The following FGF12 variants were observed in gnomAD, a reference collection of about 807,000 sequenced individuals.
The protein encoded by FGF12 is fibroblast growth factor 12B.
FGF12 carries 14 observed loss-of-function variants against 23.6 expected under a neutral mutation model. That is an observed-to-expected ratio of 0.59 (90% confidence interval 0.39 to 0.93). The LOEUF (loss-of-function observed/expected upper bound fraction) is 0.93. FGF12 is among the 40% of genes least tolerant of loss of function. The pLI, the probability that FGF12 is intolerant of heterozygous loss-of-function variation, is 0.00. For missense variants in FGF12, 175 were observed against 217.8 expected (o/e 0.80, Z 1.24); for synonymous variants, 62 against 77.3 (o/e 0.80, Z 1.04).
intron 2 of FGF12, among the ~76,000 whole-genome samples, chr3:192,545,711 A>G (rs1725478595): frequency 6.6e-6 from 1 of 152,242 alleles, no homozygotes; most frequent in Non-Finnish European, 1.5e-5. Context: ...AGCGTGGTAG[A>G]TGCTGGTACT....
intron 2 of FGF12, among the ~76,000 whole-genome samples, chr3:192,654,093 T>A (rs750728967): frequency 5.3e-5 from 8 of 152,192 alleles, no homozygotes; most frequent in Non-Finnish European, 1.0e-4. Context: ...GCCTAACAAG[T>A]ATGTGAAGGA....
chr3:192,318,312 G>A (rs1716337821), intron 4 of FGF12, among the ~76,000 whole-genome samples: 1 of 152,030 alleles, frequency 6.6e-6, no homozygotes, highest in Non-Finnish European at 1.5e-5. Flanking sequence ...ATTGTTTTGA[G>A]GAAGGTCAAC....
chr3:192,180,754 T>C (rs894295413), intron 4 of FGF12, among the ~76,000 whole-genome samples: 21 of 152,204 alleles, frequency 1.4e-4, no homozygotes, highest in African/African-American at 4.8e-4. Context: ...AACTTTCCGA[T>C]GTAAGCAATT....
At chr3:192,211,808 A>T (rs1379408090) in intron 4 of FGF12, among the ~76,000 whole-genome samples, 1 of 152,206 alleles carries the variant, frequency 6.6e-6, no homozygotes, top group Non-Finnish European at 1.5e-5. Context: ...GATCTGCTGC[A>T]TGGTCATTTT....
At chr3:192,492,415 T>C (rs1490745232) in intron 2 of FGF12, among the ~76,000 whole-genome samples, 1 of 152,126 alleles carries the variant, frequency 6.6e-6, no homozygotes, top group African/African-American at 2.4e-5. Flanking sequence ...GATGTTTTTT[T>C]CTCTTAAATT....
Position 192,144,115 on chromosome 3 carries a change from C to T in FGF12, c.440G>A (p.Arg147Lys), listed in dbSNP as rs774204331. ...TCCAATTTCATGTAGCGATGGTTCT[C>T]TGTACATACACACTGAAAGGCAAAA... ...VPKPIEVCMY[R>K]EPSLHEIGEK... Residue 147 changes from arginine to lysine, a missense_variant, in exon 6 of 6, where the codon AGA becomes AAA. Coordinates refer to ENST00000445105, the MANE Select transcript of FGF12 (RefSeq NM_004113.6). The T allele has an allele frequency of 6.2e-7, 1 of 1,610,184 alleles. No homozygotes were observed. Among genetic ancestry groups the T allele is most frequent in the South Asian group, 1.1e-5 (1 of 90,992 alleles).
At chr3:192,712,745 G>T (rs1049303906) in intron 2 of FGF12, among the ~76,000 whole-genome samples, 2 of 150,900 alleles carry the variant, frequency 1.3e-5, no homozygotes, top group Admixed American at 6.6e-5. Context: ...TTTTTTTTAG[G>T]AAGCTGTTGG....
chr3:192,255,776 T>G (rs867104426), intron 4 of FGF12, among the ~76,000 whole-genome samples: 2 of 152,096 alleles, frequency 1.3e-5, no homozygotes, highest in South Asian at 2.1e-4. Context: ...TTACATTTAC[T>G]AAACGTAGCC....
intron 4 of FGF12, among the ~76,000 whole-genome samples, chr3:192,231,917 T>A (rs974433022): frequency 6.6e-6 from 1 of 152,166 alleles, no homozygotes; most frequent in Non-Finnish European, 1.5e-5. Flanking sequence ...GAGATCAAAG[T>A]CAGTGCTGCC....
At chr3:192,491,538 T>C (rs1009671278) in intron 2 of FGF12, among the ~76,000 whole-genome samples, 1 of 152,144 alleles carries the variant, frequency 6.6e-6, no homozygotes, top group Non-Finnish European at 1.5e-5. Flanking sequence ...TGACACCACC[T>C]TTAGCTGTGG....
At chr3:192,198,183 T>A (rs1348461697) in intron 4 of FGF12, among the ~76,000 whole-genome samples, 1 of 152,000 alleles carries the variant, frequency 6.6e-6, no homozygotes, top group African/African-American at 2.4e-5. Flanking sequence ...TAAAAAGATA[T>A]GAAAAGCAAA....
chr3:192,672,403 A>G (rs1229305672), intron 2 of FGF12, among the ~76,000 whole-genome samples: 1 of 151,066 alleles, frequency 6.6e-6, no homozygotes, highest in Non-Finnish European at 1.5e-5. Context: ...CAAGTAGATG[A>G]ACACACATTA....
intron 2 of FGF12, among the ~76,000 whole-genome samples, chr3:192,571,029 C>G (rs1048445613): frequency 9.9e-5 from 15 of 152,116 alleles, no homozygotes; most frequent in Non-Finnish European, 1.8e-4. Context: ...TTCTTCAGAG[C>G]TTCTCCACAC....
intron 2 of FGF12, among the ~76,000 whole-genome samples, chr3:192,600,195 G>A (rs1235853279): frequency 1.3e-5 from 2 of 151,948 alleles, no homozygotes; most frequent in East Asian, 1.9e-4. Flanking sequence ...ATTAAATGTT[G>A]GCTGTAGATA....
At chr3:192,589,214 A>G (rs536952049) in intron 2 of FGF12, among the ~76,000 whole-genome samples, 2 of 151,610 alleles carry the variant, frequency 1.3e-5, no homozygotes, top group African/African-American at 2.4e-5. Context: ...GCGCACCTGC[A>G]GTCCCAGCTA....
intron 2 of FGF12, among the ~76,000 whole-genome samples, chr3:192,435,789 C>T (rs1722005632): frequency 6.6e-6 from 1 of 152,186 alleles, no homozygotes; most frequent in Non-Finnish European, 1.5e-5. Context: ...TCTGAGGATA[C>T]AATCTGCTTC....
At chr3:192,721,437 A>T (rs973347334) in intron 2 of FGF12, among the ~76,000 whole-genome samples, 1 of 152,188 alleles carries the variant, frequency 6.6e-6, no homozygotes. Flanking sequence ...TAAAATGCCA[A>T]ATCACAGGGT....
chr3:192,575,070 C>A lies in FGF12; in HGVS notation c.13+152111G>T, dbSNP rs1413267320. On this transcript the variant is annotated intron_variant, in intron 2 of 5. Coordinates refer to ENST00000445105, the MANE Select transcript of FGF12 (RefSeq NM_004113.6). ...CAACTAAGCAATAACAAGAGGTGAA[C>A]TATTATTATATATAACATGCTTTAA... Among the ~76,000 whole-genome samples, 8 of 152,100 alleles carry A rather than the reference C, an allele frequency of 5.3e-5. No homozygotes were observed. In the South Asian group the frequency reaches 6.2e-4, roughly 12 times the overall value.
intron 2 of FGF12, among the ~76,000 whole-genome samples, chr3:192,537,586 T>C (rs1159110257): frequency 6.6e-6 from 1 of 152,238 alleles, no homozygotes; most frequent in African/African-American, 2.4e-5. Context: ...CCACTTCGCA[T>C]GTCTTCTTTT....
Sources: gnomAD v4.1 joint callset for allele counts (sites outside exome capture counted in the v4.1 genomes callset) on GRCh38, gnomAD v4.1.1 for gene constraint, MANE v1.5 for transcripts, NCBI Gene and HGNC (gene_info 2026-07-23, HGNC 2026-07-21) for gene names.